The following OPCML variants were observed in gnomAD, a reference collection of about 807,000 sequenced individuals.
OPCML encodes the protein opioid binding protein/cell adhesion molecule like.
In OPCML, 13 loss-of-function variants were observed where a neutral mutation model predicts 37.8. That is an observed-to-expected ratio of 0.34 (90% CI 0.22 to 0.55). The LOEUF (loss-of-function observed/expected upper bound fraction) is 0.55. Ranked by LOEUF, OPCML falls within the 20% of genes least tolerant of loss-of-function variation. OPCML has a pLI of 0.91. For missense variants in OPCML, 341 were observed against 435.6 expected (o/e 0.78, Z 1.93); for synonymous variants, 176 against 168.8 (o/e 1.04, Z -0.33).
intron 2 of OPCML, among the ~76,000 whole-genome samples, chr11:132,851,208 C>A (rs1219872703): frequency 6.6e-6 from 1 of 152,226 alleles, no homozygotes; most frequent in African/African-American, 2.4e-5. Context: ...CCTTTTCACT[C>A]AACATTTCTT....
chr11:132,797,975 G>A (rs1938428724), intron 2 of OPCML, among the ~76,000 whole-genome samples: 1 of 152,152 alleles, frequency 6.6e-6, no homozygotes, highest in Non-Finnish European at 1.5e-5. Context: ...TCTAGCATGG[G>A]ATGCTGTTTG....
intron 1 of OPCML, among the ~76,000 whole-genome samples, chr11:133,144,090 G>A (rs1454745070): frequency 3.3e-5 from 5 of 152,208 alleles, no homozygotes; most frequent in Admixed American, 2.0e-4. Context: ...GAGAGAGGAC[G>A]TTGAAGGGAG....
intron 1 of OPCML, among the ~76,000 whole-genome samples, chr11:133,126,703 T>A (rs1306327825): frequency 6.6e-6 from 1 of 152,168 alleles, no homozygotes; most frequent in South Asian, 2.1e-4. Context: ...CAAGTCCATA[T>A]TTTAAAATTC....
At chr11:133,166,774 T>A (rs989950307) in intron 1 of OPCML, among the ~76,000 whole-genome samples, 1 of 152,178 alleles carries the variant, frequency 6.6e-6, no homozygotes, top group South Asian at 2.1e-4. Flanking sequence ...ATAATTCAGA[T>A]GTGAAACAGA....
At chr11:132,447,339 C>T (rs2136820280) in intron 4 of OPCML, among the ~76,000 whole-genome samples, 1 of 152,270 alleles carries the variant, frequency 6.6e-6, no homozygotes, top group East Asian at 1.9e-4. Context: ...CGCTCTCTTG[C>T]CCAGACAGGA....
Position 132,725,398 on chromosome 11 carries a change from C to G in OPCML, c.147-68079G>C, listed in dbSNP as rs1401363473. On this transcript the variant is annotated intron_variant, in intron 2 of 7. Coordinates refer to ENST00000524381, the MANE Select transcript of OPCML (RefSeq NM_001012393.5). ...CTTAGGATGCACACAGCAGGGGGGG[C>G]CCTGGGCCTAGCCCAGGAAACCACT... 4.6e-5 allele frequency among the ~76,000 whole-genome samples: 7 copies of G among 152,082 alleles called. No homozygotes were observed. The East Asian group carries it at 1.4e-3, about 29-fold the overall frequency.
At chr11:132,613,585 C>T (rs968116286) in intron 3 of OPCML, among the ~76,000 whole-genome samples, 3 of 152,188 alleles carry the variant, frequency 2.0e-5, no homozygotes, top group African/African-American at 4.8e-5. Context: ...GAATCCCAGT[C>T]GTTCTTCCCC....
chr11:132,626,812 TTCTCTCTCTCTC>T lies in OPCML; in HGVS notation c.379+30263_379+30274del, dbSNP rs375135656. On this transcript the variant is annotated intron_variant, in intron 3 of 7. Coordinates refer to ENST00000524381, the MANE Select transcript of OPCML (RefSeq NM_001012393.5). ...GTACAGAACGGTTTTAAAGGGAAGT[TTCTCTCTCTCTC>T]TCTCTCTCTCTCTCTCTCTCTCTTT... Among the ~76,000 whole-genome samples the T allele has an allele frequency of 1.7e-3, 249 of 147,258 alleles. 1 individual carries two copies. Among genetic ancestry groups the T allele is most frequent in the South Asian group, 0.012 (54 of 4,572 alleles).
intron 1 of OPCML, among the ~76,000 whole-genome samples, chr11:133,274,072 C>T (rs1941925000): frequency 1.3e-5 from 2 of 152,134 alleles, no homozygotes; most frequent in Non-Finnish European, 2.9e-5. Flanking sequence ...CTGTATTCAG[C>T]ACTAAGGCGA....
At chr11:132,739,230 T>C (rs1299942887) in intron 2 of OPCML, among the ~76,000 whole-genome samples, 1 of 152,240 alleles carries the variant, frequency 6.6e-6, no homozygotes, top group African/African-American at 2.4e-5. Context: ...ACATTTATTG[T>C]TCTTTGTTAA....
chr11:133,330,483 A>C (rs554388914), intron 1 of OPCML, among the ~76,000 whole-genome samples: 1 of 152,288 alleles, frequency 6.6e-6, no homozygotes, highest in African/African-American at 2.4e-5. Context: ...TGGCACATAT[A>C]CACCATGGAA....
rs550797659 is a variant in OPCML, at chr11:133,107,483, C to T, written c.62-164473G>A. 1.1e-4 allele frequency among the ~76,000 whole-genome samples: 16 copies of T among 152,302 alleles called. No individual in the cohort carries two copies. The South Asian group carries it at 3.3e-3, about 32-fold the overall frequency. ...GCTGTAAGAAGAAACTTCTCATCAT[C>T]AATGAATATTTCTGGCCCCAACCTA... On this transcript the variant is annotated intron_variant, in intron 1 of 7. Transcript: ENST00000524381.
At chr11:132,880,703 C>A (rs1943194327) in intron 2 of OPCML, among the ~76,000 whole-genome samples, 1 of 152,238 alleles carries the variant, frequency 6.6e-6, no homozygotes, top group South Asian at 2.1e-4. Context: ...ACAGTAATTA[C>A]TAGAGATTAC....
At chr11:133,416,194 A>AC (rs1314416463) in intron 1 of OPCML, among the ~76,000 whole-genome samples, 1 of 152,074 alleles carries the variant, frequency 6.6e-6, no homozygotes, top group African/African-American at 2.4e-5. Context: ...CAAGATAAAA[A>AC]AAAAACTGAT....
chr11:132,890,350 T>C (rs1301234375), intron 2 of OPCML, among the ~76,000 whole-genome samples: 1 of 152,110 alleles, frequency 6.6e-6, no homozygotes, highest in Admixed American at 6.6e-5. Context: ...ATATGAAAAA[T>C]CCATTGTTCT....
intron 1 of OPCML, among the ~76,000 whole-genome samples, chr11:133,363,733 G>A (rs769085240): frequency 6.6e-6 from 1 of 152,266 alleles, no homozygotes; most frequent in Non-Finnish European, 1.5e-5. Flanking sequence ...CCCACTGTGC[G>A]TGACCACGAC....
Position 133,282,179 on chromosome 11 carries a change from T to A in OPCML, c.61+250085A>T, listed in dbSNP as rs920339298. Among the ~76,000 whole-genome samples, 5 of 152,198 alleles carry A rather than the reference T, an allele frequency of 3.3e-5. No homozygotes were observed. In the East Asian group the frequency reaches 9.7e-4, roughly 29 times the overall value. ...ACATGACTAAAAGGGAGCCAAGGCA[T>A]TTCGAAAGTCTTTGGAACGGCCCTT... On this transcript the variant is annotated intron_variant, in intron 1 of 7. Coordinates refer to ENST00000524381, the MANE Select transcript of OPCML (RefSeq NM_001012393.5).
intron 1 of OPCML, chr11:133,301,459 A>G (rs559865569): frequency 1.4e-4 from 21 of 152,190 alleles, no homozygotes; most frequent in Non-Finnish European, 1.9e-4. Flanking sequence ...CAAAAATACG[A>G]ATTTGAGGTT....
At chr11:132,775,049 T>C (rs1198086996) in intron 2 of OPCML, among the ~76,000 whole-genome samples, 1 of 152,190 alleles carries the variant, frequency 6.6e-6, no homozygotes, top group Non-Finnish European at 1.5e-5. Flanking sequence ...ATATTACAAT[T>C]GATATTTTTT....
Sources: allele counts gnomAD v4.1 joint callset (sites outside exome capture counted in the v4.1 genomes callset), GRCh38; gene constraint gnomAD v4.1.1; transcripts MANE v1.5; gene names NCBI Gene and HGNC (gene_info 2026-07-23, HGNC 2026-07-21).